TNIK: variants seen among roughly 807,000 people sequenced by gnomAD.
The protein encoded by TNIK is TRAF2 and NCK-interacting protein kinase.
TNIK carries 49 observed loss-of-function variants against 191.3 expected under a neutral mutation model. The observed-to-expected ratio is 0.26, with a 90% CI of 0.20 to 0.32. TNIK has a LOEUF of 0.32. Among genes scored for constraint, TNIK ranks in the 10% least tolerant of loss-of-function variants. TNIK has a pLI of 1.00. For missense variants in TNIK, 1,155 were observed against 1,702.3 expected (o/e 0.68, Z 5.66); for synonymous variants, 594 against 600.9 (o/e 0.99, Z 0.17).
chr3:171,209,948 T>C (rs1030766731), intron 4 of TNIK, among the ~76,000 whole-genome samples: 2 of 152,242 alleles, frequency 1.3e-5, no homozygotes, highest in Non-Finnish European at 2.9e-5. Context: ...CTGAGTACTT[T>C]GGGAATTCTC....
intron 1 of TNIK, among the ~76,000 whole-genome samples, chr3:171,376,493 T>C (rs1717233653): frequency 6.6e-6 from 1 of 152,136 alleles, no homozygotes; most frequent in South Asian, 2.1e-4. Context: ...GTGGGGTACA[T>C]GGCCCCTGCT....
At position 171,157,726 on chromosome 3, in the gene TNIK, C is replaced by T. The variant is rs115069574; in HGVS notation, c.1017-62G>A. The T allele has an allele frequency of 3.3e-6, 5 of 1,512,880 alleles. No individual in the cohort carries two copies. In the African/African-American group the frequency reaches 4.2e-5, roughly 13 times the overall value. The allele number at this position is 1,512,880 out of a possible 1,614,324, so 93.7% of individuals were successfully genotyped here. A position where few individuals can be genotyped will look rare whatever the true frequency, so the allele number is the denominator to read the frequency against. On this transcript the variant is annotated intron_variant, in intron 11 of 32. Coordinates refer to ENST00000436636, the MANE Select transcript of TNIK (RefSeq NM_015028.4). ...GGCAGGGGCCATGGCTACCAAGAGG[C>T]CTTGGAGGAGGAAAGCGGGACAAAT...
At chr3:171,459,169 G>A (rs191620544) in intron 1 of TNIK, among the ~76,000 whole-genome samples, 12 of 152,106 alleles carry the variant, frequency 7.9e-5, no homozygotes, top group African/African-American at 2.9e-4. Context: ...AGTGGGGCTG[G>A]GGGGAGGGAG....
At chr3:171,313,286 G>T (rs1754255812) in intron 2 of TNIK, among the ~76,000 whole-genome samples, 1 of 150,270 alleles carries the variant, frequency 6.7e-6, no homozygotes, top group Admixed American at 6.7e-5. Context: ...TTAAATAGCT[G>T]GGTTACACAT....
chr3:171,357,551 CTTTTTT>C (rs77632080), intron 2 of TNIK, among the ~76,000 whole-genome samples: 3 of 126,958 alleles, frequency 2.4e-5, no homozygotes, highest in South Asian at 2.6e-4. Flanking sequence ...AGCCTCTGTA[CTTTTTT>C]TTTTTTTTTT....
rs527855495 is a variant in TNIK, at chr3:171,410,518, G to A, written c.58-40833C>T. ...GCCTGGGCTGGGCGCATTGGCTCAC[G>A]CCTGTAATCCCAGCACTTTGGGAGG... is the stretch of plus-strand genomic sequence containing the variant. On this transcript the variant is annotated intron_variant, in intron 1 of 32. Transcript: ENST00000436636. Among the ~76,000 whole-genome samples the A allele has an allele frequency of 7.9e-5, 12 of 152,186 alleles. No homozygotes were observed. In the East Asian group the frequency reaches 1.7e-3, roughly 22 times the overall value.
chr3:171,131,207 G>T (rs909159938), intron 15 of TNIK, among the ~76,000 whole-genome samples: 1 of 150,842 alleles, frequency 6.6e-6, no homozygotes, highest in Non-Finnish European at 1.5e-5. Context: ...GCGTGGTAGC[G>T]GGCGCCGGTA....
Position 171,166,980 on chromosome 3 carries a change from C to T in TNIK, c.949+115G>A, listed in dbSNP as rs959374111. On this transcript the variant is annotated intron_variant, in intron 10 of 32. Transcript: ENST00000436636. ...GTGGTCTCAGAGACAGCCCCTCGCACTAAAGAATAATGCAGGCCCATTTGA... is the reference window on the plus strand; with the variant it reads ...GTGGTCTCAGAGACAGCCCCTCGCATTAAAGAATAATGCAGGCCCATTTGA... 16 of 1,332,642 alleles carry T rather than the reference C, an allele frequency of 1.2e-5. No homozygotes were observed. In the Admixed American group the frequency reaches 4.7e-4, roughly 39 times the overall value. 82.6% of individuals were successfully genotyped at this position (1,332,642 alleles called of 1,614,324 possible).
At chr3:171,228,956 A>G (rs777451526) in intron 2 of TNIK, among the ~76,000 whole-genome samples, 3 of 152,152 alleles carry the variant, frequency 2.0e-5, no homozygotes, top group Non-Finnish European at 2.9e-5. Flanking sequence ...AGATGGTCAT[A>G]CTCACTACTT....
At chr3:171,425,009 A>G (rs915861506) in intron 1 of TNIK, among the ~76,000 whole-genome samples, 1 of 151,584 alleles carries the variant, frequency 6.6e-6, no homozygotes, top group Non-Finnish European at 1.5e-5. Flanking sequence ...GGCACATGTT[A>G]CTAAATAGAG....
intron 2 of TNIK, among the ~76,000 whole-genome samples, chr3:171,368,131 G>A (rs1438785465): frequency 2.0e-5 from 3 of 152,062 alleles, no homozygotes; most frequent in African/African-American, 7.2e-5. Context: ...TGAATCTCTT[G>A]GTATCTCCTC....
At position 171,410,950 on chromosome 3, in the gene TNIK, C is replaced by T. The variant is rs190096104; in HGVS notation, c.58-41265G>A. On this transcript the variant is annotated intron_variant, in intron 1 of 32. Coordinates refer to ENST00000436636, the MANE Select transcript of TNIK (RefSeq NM_015028.4). The stretch of plus-strand genomic sequence containing the variant: ...TGAATTGGAAGCCACCATTAATCCA[C>T]TACACTCAGATTGCCTTGCATGGTC... Among the ~76,000 whole-genome samples, 45 of 152,286 alleles carry T rather than the reference C, an allele frequency of 3.0e-4. No individual in the cohort carries two copies. In the East Asian group the frequency reaches 8.1e-3, roughly 27 times the overall value.
At chr3:171,359,148 A>G (rs571425641) in intron 2 of TNIK, among the ~76,000 whole-genome samples, 1 of 152,296 alleles carries the variant, frequency 6.6e-6, no homozygotes, top group Admixed American at 6.5e-5. Flanking sequence ...TAAGAGAAAG[A>G]GGTACCACTA....
intron 2 of TNIK, among the ~76,000 whole-genome samples, chr3:171,290,426 TG>T (rs1751553899): frequency 6.6e-6 from 1 of 152,224 alleles, no homozygotes. Context: ...TTTTTCTCAT[TG>T]ACTCTATTTT....
intron 4 of TNIK, among the ~76,000 whole-genome samples, chr3:171,209,636 G>A (rs1169150377): frequency 6.6e-6 from 1 of 151,546 alleles, no homozygotes. Flanking sequence ...TACATTTAGA[G>A]GCCACAATTA....
At chr3:171,176,810 T>C (rs1736015056) in intron 8 of TNIK, among the ~76,000 whole-genome samples, 1 of 152,224 alleles carries the variant, frequency 6.6e-6, no homozygotes, top group African/African-American at 2.4e-5. Flanking sequence ...CTGGGGCCAA[T>C]ACTCCAAATC....
At chr3:171,425,539 G>A (rs1312376453) in intron 1 of TNIK, among the ~76,000 whole-genome samples, 2 of 152,022 alleles carry the variant, frequency 1.3e-5, no homozygotes, top group Non-Finnish European at 2.9e-5. Context: ...CCAAAAAAAG[G>A]GAAGAGCTGG....
intron 2 of TNIK, among the ~76,000 whole-genome samples, chr3:171,253,811 T>C (rs1746540151): frequency 6.6e-6 from 1 of 152,190 alleles, no homozygotes; most frequent in Non-Finnish European, 1.5e-5. Context: ...AAAATTAAGT[T>C]AAAAATTCAT....
At chr3:171,310,121 TA>T (rs1753860553) in intron 2 of TNIK, among the ~76,000 whole-genome samples, 2 of 152,148 alleles carry the variant, frequency 1.3e-5, no homozygotes, top group African/African-American at 4.8e-5. Flanking sequence ...CCTACTTTTT[TA>T]AAAAATTGAA....
Sources: allele counts gnomAD v4.1 joint callset (sites outside exome capture counted in the v4.1 genomes callset), GRCh38; gene constraint gnomAD v4.1.1; transcripts MANE v1.5; gene names NCBI Gene and HGNC (gene_info 2026-07-23, HGNC 2026-07-21).